The following PIAS4 variants were observed in gnomAD, a reference collection of about 807,000 sequenced individuals.
PIAS4 encodes the protein E3 SUMO-protein ligase PIAS4.
Under a neutral mutation model 58.0 loss-of-function variants are expected in PIAS4, and 7 were observed. That is an observed-to-expected ratio of 0.12 (90% CI 0.07 to 0.23). PIAS4 has a LOEUF of 0.23. Ranked by LOEUF, PIAS4 falls within the 10% of genes least tolerant of loss-of-function variation. PIAS4 has a pLI of 1.00. For synonymous variants in PIAS4, 364 were observed against 312.4 expected (o/e 1.17, Z -1.74); for missense variants, 550 against 709.5 (o/e 0.78, Z 2.55).
chr19:4,030,949 G>A (rs2040217280), intron 7 of PIAS4, among the ~76,000 whole-genome samples: 1 of 152,182 alleles, frequency 6.6e-6, no homozygotes, highest in East Asian at 1.9e-4. Context: ...GGGACCACCT[G>A]CCAGGCTGAC....
rs139885245 is a variant in PIAS4, at chr19:4,024,088, G to A, written c.507G>A (p.Thr169=). 6.6e-5 allele frequency: 107 copies of A among 1,613,784 alleles called. No homozygotes were observed. The highest frequency in any genetic ancestry group is 8.5e-5 in the Non-Finnish European group (100 of 1,179,838). Residue 169 remains threonine, a synonymous_variant, in exon 3 of 11, where the codon ACG becomes ACA. Coordinates refer to ENST00000262971, the MANE Select transcript of PIAS4 (RefSeq NM_015897.4). ...AGAGCCCGTGCATCTTCGCATTGAC[G>A]CCAAGACAGGTGGAGTTGATCCGGA... ...LQESPCIFAL[T]PRQVELIRNS...
In PIAS4 at chr19:4,013,494, C is replaced by T. The variant is rs1413576720; in HGVS notation, c.454+145C>T. 2 of 682,354 alleles carry T rather than the reference C, an allele frequency of 2.9e-6. No homozygotes were observed. Among genetic ancestry groups the T allele is most frequent in the Admixed American group, 5.7e-5 (2 of 35,018 alleles). 42.3% of individuals were successfully genotyped at this position (682,354 alleles called of 1,614,324 possible). A position where few individuals can be genotyped will look rare whatever the true frequency, so the allele number is the denominator to read the frequency against. ...AGCCACAGTGGCCAGGGGTGTCCTTCCTCGGAAGCAAAGGGACCATCTTTG... is the reference window on the plus strand; with the variant it reads ...AGCCACAGTGGCCAGGGGTGTCCTTTCTCGGAAGCAAAGGGACCATCTTTG... On this transcript the variant is annotated intron_variant, in intron 2 of 10. Coordinates refer to ENST00000262971, the MANE Select transcript of PIAS4 (RefSeq NM_015897.4). This position sits in a 1 kb window ranked among gnomAD's most constrained non-coding sequence, Gnocchi z 5.1.
intron 9 of PIAS4, 35 bp downstream of exon 9, chr19:4,033,615 CGG>C: frequency 3.2e-6 from 5 of 1,551,876 alleles, no homozygotes; most frequent in African/African-American, 1.4e-5. Context: ...CGGCCGGAGC[CGG>C]ACATCCGTGG....
Position 4,035,491 on chromosome 19 carries a change from T to C in PIAS4, c.1143-1883T>C, listed in dbSNP as rs1477920035. On this transcript the variant is annotated intron_variant, in intron 9 of 10. Transcript: ENST00000262971. ...CCTTCCCGAGCCTCTGTTTCTGCAT[T>C]TGTAAAATGGGGCTGGTAGGACCTC... Among the ~76,000 whole-genome samples the C allele has an allele frequency of 3.3e-5, 5 of 152,124 alleles. No individual in the cohort carries two copies. In the East Asian group the frequency reaches 7.7e-4, roughly 23 times the overall value.
chr19:4,014,960 C>T (rs961889771), intron 2 of PIAS4, among the ~76,000 whole-genome samples: 2 of 152,166 alleles, frequency 1.3e-5, no homozygotes, highest in African/African-American at 2.4e-5. Flanking sequence ...GTGGTTCCTG[C>T]GGCAGCCGAG....
At position 4,039,193 on chromosome 19, in the gene PIAS4, TATC is replaced by T. The variant is rs897525401; in HGVS notation, c.*1321_*1323del. On this transcript the variant is annotated 3_prime_UTR_variant, in exon 11 of 11. Coordinates refer to ENST00000262971, the MANE Select transcript of PIAS4 (RefSeq NM_015897.4). Reference sequence around the variant, plus strand: ...AACAGAACTCCTAGTCAGGAAGCAATATCATTTCAGGTCTAAAGAAAGGGACGT... The same window carrying T: ...AACAGAACTCCTAGTCAGGAAGCAATATTTCAGGTCTAAAGAAAGGGACGT... 10 of 152,248 alleles carry T rather than the reference TATC, an allele frequency of 6.6e-5. No individual in the cohort carries two copies. The highest frequency in any genetic ancestry group is 2.2e-4 in the African/African-American group (9 of 41,434). 9.4% of individuals were successfully genotyped at this position (152,248 alleles called of 1,614,324 possible).
At chr19:4,027,985 C>G (rs2040183921) in intron 3 of PIAS4, among the ~76,000 whole-genome samples, 161 bp from the exon 4 acceptor site, 1 of 151,964 alleles carries the variant, frequency 6.6e-6, no homozygotes, top group African/African-American at 2.4e-5. Flanking sequence ...ACAGCCACTC[C>G]TCTCACCCAG....
intron 7 of PIAS4, among the ~76,000 whole-genome samples, chr19:4,030,181 G>GGAGAGCAACACCATCCTGGCTAA (rs1568219077): frequency 2.0e-5 from 3 of 149,572 alleles, no homozygotes; most frequent in Non-Finnish European, 3.0e-5. Flanking sequence ...CAGGCTGGTC[G>GGAGAGCAACACCATCCTGGCTAA]TAAACTCCTG....
chr19:4,024,931 A>G (rs756711382), intron 3 of PIAS4, among the ~76,000 whole-genome samples: 2 of 152,090 alleles, frequency 1.3e-5, no homozygotes, highest in Non-Finnish European at 2.9e-5. Flanking sequence ...ACGCCCGGCT[A>G]ATCTTGTATT....
At chr19:4,028,242 C>T (rs1030230140) in intron 4 of PIAS4, 55 bp downstream of exon 4, 20 of 1,481,718 alleles carry the variant, frequency 1.3e-5, no homozygotes, top group Admixed American at 3.4e-5. Context: ...ACCCGCCCCT[C>T]CCCGCCCCCC....
At chr19:4,033,341 A>T in intron 8 of PIAS4, 79 bp from the exon 9 acceptor site, 1 of 1,407,890 alleles carries the variant, frequency 7.1e-7, no homozygotes, top group Non-Finnish European at 9.7e-7. Context: ...GAGCCACAGG[A>T]TGGAGCTGGG....
chr19:4,024,859 G>A (rs764898855), intron 3 of PIAS4, among the ~76,000 whole-genome samples: 1 of 151,970 alleles, frequency 6.6e-6, no homozygotes, highest in Non-Finnish European at 1.5e-5. Context: ...TCCACCTGCT[G>A]GATTCAAGCA....
At chr19:4,035,871 T>TAA (rs2040271794) in intron 9 of PIAS4, among the ~76,000 whole-genome samples, 5 of 3,332 alleles carry the variant, frequency 1.5e-3, no homozygotes, top group Non-Finnish European at 3.0e-3. Context: ...CCACACCGTC[T>TAA]CACACACACA....
chr19:4,023,573 G>A (rs1479307734), intron 2 of PIAS4, among the ~76,000 whole-genome samples: 2 of 152,246 alleles, frequency 1.3e-5, no homozygotes, highest in Admixed American at 6.5e-5. Context: ...TGAGCACCAT[G>A]GCCTTCATCC....
At chr19:4,016,512 G>A (rs554726383) in intron 2 of PIAS4, among the ~76,000 whole-genome samples, 1 of 152,364 alleles carries the variant, frequency 6.6e-6, no homozygotes, top group African/African-American at 2.4e-5. Context: ...CAGCAAGGTA[G>A]CGTGGTCCCT....
At chr19:4,026,022 C>T (rs1425977389) in intron 3 of PIAS4, among the ~76,000 whole-genome samples, 6 of 136,894 alleles carry the variant, frequency 4.4e-5, no homozygotes, top group South Asian at 2.3e-4. Flanking sequence ...TGCAGTGAGC[C>T]GAGATCCTGC....
At chr19:4,015,604 G>A (rs975826923) in intron 2 of PIAS4, among the ~76,000 whole-genome samples, 3 of 152,150 alleles carry the variant, frequency 2.0e-5, no homozygotes, top group Non-Finnish European at 4.4e-5. Context: ...CCCTGGCCCC[G>A]AAGCAGTGGT....
chr19:4,025,772 A>C (rs2040157552), intron 3 of PIAS4, among the ~76,000 whole-genome samples: 1 of 152,104 alleles, frequency 6.6e-6, no homozygotes, highest in Admixed American at 6.5e-5. Context: ...CCAGCCACAC[A>C]GTATAAAAAA....
chr19:4,022,614 C>T (rs527616471), intron 2 of PIAS4, among the ~76,000 whole-genome samples: 1 of 151,984 alleles, frequency 6.6e-6, no homozygotes, highest in East Asian at 2.0e-4. Flanking sequence ...GATCCACCCC[C>T]CTCGGCCTCC....
Sources: gnomAD v4.1 joint callset for allele counts (sites outside exome capture counted in the v4.1 genomes callset) on GRCh38, gnomAD v4.1.1 for gene constraint, Gnocchi (gnomAD v3.1) non-coding constraint, MANE v1.5 for transcripts, NCBI Gene and HGNC (gene_info 2026-07-23, HGNC 2026-07-21) for gene names.